TENM2: variants seen among roughly 807,000 people sequenced by gnomAD.
TENM2 encodes the protein teneurin transmembrane protein 2.
A neutral mutation model predicts 245.2 loss-of-function variants in TENM2; 52 were observed. The observed-to-expected ratio is 0.21, with a 90% CI of 0.17 to 0.27. The LOEUF (loss-of-function observed/expected upper bound fraction) is 0.27. Among genes scored for constraint, TENM2 ranks in the 10% least tolerant of loss-of-function variants. The pLI, the probability that TENM2 is intolerant of heterozygous loss-of-function variation, is 1.00. For synonymous variants in TENM2, 1,363 were observed against 1,438.9 expected (o/e 0.95, Z 1.19); for missense variants, 3,046 against 3,666.8 (o/e 0.83, Z 4.37).
chr5:167,575,057 G>A (rs1774546405), intron 2 of TENM2, among the ~76,000 whole-genome samples: 1 of 149,022 alleles, frequency 6.7e-6, no homozygotes, highest in African/African-American at 2.5e-5. Context: ...TGTTGATTCT[G>A]TGTTCATTGC....
chr5:167,445,775 A>C (rs544939576), intron 2 of TENM2, among the ~76,000 whole-genome samples: 5 of 152,136 alleles, frequency 3.3e-5, no homozygotes, highest in Non-Finnish European at 5.9e-5. Flanking sequence ...TGGCTGGGAC[A>C]TCCCTCACTC....
chr5:167,822,684 C>CT (rs11430748), intron 2 of TENM2, among the ~76,000 whole-genome samples: 149,451 of 151,752 alleles, frequency 0.98, 73,624 homozygotes, highest in Middle Eastern at 1. Context: ...TTCCAGGGGT[C>CT]TTTTTTTTCC....
the TENM2 span, among the ~76,000 whole-genome samples, chr5:167,150,662 A>T: frequency 6.6e-6 from 1 of 152,204 alleles, no homozygotes; most frequent in African/African-American, 2.4e-5. Flanking sequence ...ACTAACATAC[A>T]TAGAGGTTAA....
chr5:167,624,191 G>C (rs1778355621), intron 2 of TENM2, among the ~76,000 whole-genome samples: 1 of 152,086 alleles, frequency 6.6e-6, no homozygotes, highest in African/African-American at 2.4e-5. Context: ...ATGGCGGATT[G>C]GGTAAAGAAA....
chr5:167,008,370 A>G, the TENM2 span, among the ~76,000 whole-genome samples: 2 of 152,216 alleles, frequency 1.3e-5, no homozygotes, highest in Non-Finnish European at 2.9e-5. Flanking sequence ...AAAAGGGGGC[A>G]GCAGTTCATA....
At chr5:167,983,338 G>A (rs1782986263) in intron 4 of TENM2, among the ~76,000 whole-genome samples, 1 of 152,186 alleles carries the variant, frequency 6.6e-6, no homozygotes, top group Admixed American at 6.5e-5. Context: ...CATGAAAAAT[G>A]CTATGTTGTA....
intron 2 of TENM2, among the ~76,000 whole-genome samples, chr5:167,744,731 A>G (rs1761435590): frequency 6.6e-6 from 1 of 152,106 alleles, no homozygotes; most frequent in Admixed American, 6.6e-5. Flanking sequence ...TGCAGCTGAT[A>G]GCTTTGGGGA....
At chr5:166,986,956 T>C in the TENM2 span, among the ~76,000 whole-genome samples, 1 of 152,166 alleles carries the variant, frequency 6.6e-6, no homozygotes, top group Non-Finnish European at 1.5e-5. Context: ...TAAAAGTTAT[T>C]CTGTAATAGA....
chr5:167,852,265 GATT>G (rs1374819001), intron 2 of TENM2, among the ~76,000 whole-genome samples: 2 of 152,136 alleles, frequency 1.3e-5, no homozygotes, highest in East Asian at 1.9e-4. Context: ...TACAGTAATC[GATT>G]ATTGTTTTTC....
intron 2 of TENM2, among the ~76,000 whole-genome samples, chr5:167,517,916 C>A (rs939985706): frequency 6.6e-6 from 1 of 151,960 alleles, no homozygotes. Flanking sequence ...GGCCGGGCAC[C>A]GTGGCTCATG....
intron 2 of TENM2, among the ~76,000 whole-genome samples, chr5:167,649,234 A>G (rs191469535): frequency 3.3e-5 from 5 of 152,180 alleles, no homozygotes; most frequent in African/African-American, 1.2e-4. Context: ...GTAAGGCACT[A>G]TATTAAATTA....
intron 13 of TENM2, chr5:168,165,290 G>T (rs189843515): frequency 2.0e-5 from 3 of 152,218 alleles, no homozygotes; most frequent in South Asian, 2.1e-4. Flanking sequence ...TGCTGGTAAG[G>T]TTCACTGCTT....
intron 2 of TENM2, among the ~76,000 whole-genome samples, chr5:167,499,731 G>A (rs1304067634): frequency 1.3e-5 from 2 of 152,074 alleles, no homozygotes; most frequent in African/African-American, 4.8e-5. Context: ...GCATGCTAAG[G>A]TAGACACACT....
At chr5:168,228,180 C>T in intron 25 of TENM2, 50 bp downstream of exon 27, 1 of 1,431,392 alleles carries the variant, frequency 7.0e-7, no homozygotes, top group Non-Finnish European at 9.8e-7. Context: ...GGGATATACA[C>T]TTTCCTCACA....
chr5:167,536,970 G>A (rs546074720), intron 2 of TENM2, among the ~76,000 whole-genome samples: 11 of 152,182 alleles, frequency 7.2e-5, no homozygotes, highest in African/African-American at 2.6e-4. Context: ...GTTGCAGTGA[G>A]CCAAGATCAC....
intron 2 of TENM2, among the ~76,000 whole-genome samples, chr5:167,494,674 A>G (rs1768680424): frequency 6.6e-6 from 1 of 152,136 alleles, no homozygotes; most frequent in Non-Finnish European, 1.5e-5. Flanking sequence ...TTTCAAGTGA[A>G]GTAAAAGTTT....
chr5:167,353,532 G>C (rs2127851566), intron 1 of TENM2, among the ~76,000 whole-genome samples: 1 of 112,690 alleles, frequency 8.9e-6, no homozygotes, highest in East Asian at 2.6e-4. Flanking sequence ...TTTTGAGACG[G>C]AGTCTCGCTC....
intron 2 of TENM2, among the ~76,000 whole-genome samples, chr5:167,560,441 A>G (rs985498207): frequency 2.0e-5 from 3 of 151,944 alleles, no homozygotes; most frequent in Admixed American, 6.6e-5. Context: ...TCCTGAATTT[A>G]ATGCAGATAT....
At chr5:167,059,035 G>A in the TENM2 span, among the ~76,000 whole-genome samples, 76 of 152,042 alleles carry the variant, frequency 5.0e-4, no homozygotes, top group African/African-American at 1.8e-3. Context: ...CTTGCCTTAG[G>A]GGAACCATGA....
Sources: gnomAD v4.1 joint callset for allele counts (sites outside exome capture counted in the v4.1 genomes callset) on GRCh38, gnomAD v4.1.1 for gene constraint, MANE v1.5 for transcripts, NCBI Gene and HGNC (gene_info 2026-07-23, HGNC 2026-07-21) for gene names.